The following SATB2 variants were observed in gnomAD, a reference collection of about 807,000 sequenced individuals.
SATB2 encodes SATB homeobox 2, also known as DNA-binding protein SATB2.
Under a neutral mutation model 73.4 loss-of-function variants are expected in SATB2, and 1 was observed. The ratio of observed to expected loss-of-function variants is 0.01; its 90% CI spans 0.00 to 0.06. The LOEUF (loss-of-function observed/expected upper bound fraction) is 0.06, where lower values mean the gene tolerates loss of function less well. Among genes scored for constraint, SATB2 ranks in the 10% least tolerant of loss-of-function variants. The probability of loss-of-function intolerance (pLI) is 1.00; values close to 1 mark genes in which losing one functional copy is unlikely to be tolerated. For synonymous variants in SATB2, 397 were observed against 367.0 expected, an observed-to-expected ratio of 1.08 and a Z score of -0.93; for missense variants, 459 against 945.8, an observed-to-expected ratio of 0.49 and a Z score of 6.75.
In SATB2 at chr2:199,457,923, C is replaced by G. The variant is rs1692340844; in HGVS notation, c.-644G>C. On this transcript the variant is annotated 5_prime_UTR_variant, in exon 1 of 11. Transcript: ENST00000417098. This position sits in a 1 kb window ranked among gnomAD's most constrained non-coding sequence, Gnocchi z 4.8. ...CTCCCCTCTCGGCCGCCTCTGCCAG[C>G]AGCCAGAGCCGGACTCACTGACAAG... 6.5e-6 allele frequency: 1 copy of G among 152,848 alleles called. No individual in the cohort carries two copies. The highest frequency in any genetic ancestry group is 6.5e-5 in the Admixed American group (1 of 15,288). The allele number at this position is 152,848 out of a possible 1,614,324, so 9.5% of individuals were successfully genotyped here. A position where few individuals can be genotyped will look rare whatever the true frequency, so the allele number is the denominator to read the frequency against.
At chr2:199,442,386 G>C (rs73067563) in intron 2 of SATB2, among the ~76,000 whole-genome samples, 1 of 152,170 alleles carries the variant, frequency 6.6e-6, no homozygotes, top group African/African-American at 2.4e-5. Flanking sequence ...GTATCACCAC[G>C]GGCATCGCAT....
chr2:199,312,443 T>C (rs189380286), intron 9 of SATB2, among the ~76,000 whole-genome samples: 154 of 152,332 alleles, frequency 1.0e-3, no homozygotes, highest in Non-Finnish European at 8.4e-4. Context: ...GAGTGAATTA[T>C]AACTGTTTGA....
rs1692192587 is a variant in SATB2 at position 199,272,592 on chromosome 2, A to T, written c.1821T>A (p.Thr607=). ...GGGGCTTTTTGGCACAACTGTCTTC[A>T]GTCGGAGGAGGTGGGGGAGGCGCTT... ...REEAPPPPPP[T]EDSCAKKPRS... is the part of the protein sequence containing the mutation. Residue 607 remains threonine, a synonymous_variant, in exon 11 of 11, where the codon ACT becomes ACA. Coordinates refer to ENST00000417098, the MANE Select transcript of SATB2 (RefSeq NM_001172509.2). This position sits in a 1 kb window ranked among gnomAD's most constrained non-coding sequence, Gnocchi z 6.7. The T allele has an allele frequency of 6.2e-7, 1 of 1,614,004 alleles. No individual in the cohort carries two copies. The highest frequency in any genetic ancestry group is 1.3e-5 in the African/African-American group (1 of 74,922).
intron 6 of SATB2, among the ~76,000 whole-genome samples, chr2:199,352,062 G>A (rs900864974): frequency 3.3e-5 from 5 of 152,060 alleles, no homozygotes; most frequent in African/African-American, 4.8e-5. Context: ...TAGTAGAGAC[G>A]GGGTTTCACC....
At chr2:199,298,938 C>A (rs1338697719) in intron 10 of SATB2, among the ~76,000 whole-genome samples, 1 of 152,114 alleles carries the variant, frequency 6.6e-6, no homozygotes, top group Non-Finnish European at 1.5e-5. Flanking sequence ...CCTAGAACAG[C>A]ATGTGACTTT....
Position 199,464,293 on chromosome 2 carries a change from C to A in SATB2, c.-141+543G>T, listed in dbSNP as rs955752839. Among the ~76,000 whole-genome samples, 17 of 152,134 alleles carry A rather than the reference C, an allele frequency of 1.1e-4. No homozygotes were observed. The highest frequency in any genetic ancestry group is 4.1e-4 in the African/African-American group (17 of 41,442). On this transcript the variant is annotated intron_variant, in intron 1 of 11. Transcript: ENST00000260926. This position sits in a 1 kb window ranked among gnomAD's most constrained non-coding sequence, Gnocchi z 6.6. Reference sequence around the variant, plus strand: ...CCAAGCCCAGAGGAACAGGGCATCGCCTCGCGCGGTCCCGGAGCCACATCC... The same window carrying A: ...CCAAGCCCAGAGGAACAGGGCATCGACTCGCGCGGTCCCGGAGCCACATCC...
At chr2:199,361,641 T>C (rs1270993955) in intron 6 of SATB2, among the ~76,000 whole-genome samples, 1 of 151,988 alleles carries the variant, frequency 6.6e-6, no homozygotes, top group Non-Finnish European at 1.5e-5. Flanking sequence ...CCTTCAAGGA[T>C]TCTCAAAATA....
chr2:199,309,117 C>G (rs559079709), intron 9 of SATB2, among the ~76,000 whole-genome samples, 160 bp from the exon 10 acceptor site: 9 of 152,312 alleles, frequency 5.9e-5, no homozygotes, highest in South Asian at 2.1e-4. Context: ...AAAACCAACC[C>G]CTGACCACAT....
chr2:199,394,731 G>GTAAA (rs1251771811), intron 3 of SATB2, among the ~76,000 whole-genome samples: 16 of 152,030 alleles, frequency 1.1e-4, no homozygotes, highest in Admixed American at 3.3e-4. Flanking sequence ...TCTAAAATAA[G>GTAAA]TAAATAAATA....
intron 3 of SATB2, among the ~76,000 whole-genome samples, chr2:199,432,074 T>A (rs964600146): frequency 6.6e-6 from 1 of 152,172 alleles, no homozygotes; most frequent in African/African-American, 2.4e-5. Context: ...TCATCCTTTA[T>A]CAGGCTGCTT....
At chr2:199,393,388 C>T (rs770267422) in intron 3 of SATB2, among the ~76,000 whole-genome samples, 1 of 152,056 alleles carries the variant, frequency 6.6e-6, no homozygotes, top group Non-Finnish European at 1.5e-5. Flanking sequence ...TCTGCCAACC[C>T]CCAACATATG....
chr2:199,344,079 G>C (rs1688582170), intron 7 of SATB2, among the ~76,000 whole-genome samples: 1 of 152,080 alleles, frequency 6.6e-6, no homozygotes, highest in Non-Finnish European at 1.5e-5. Flanking sequence ...CATGCTTCAT[G>C]CTACTTGGAT....
chr2:199,342,159 T>C (rs945813726), intron 7 of SATB2, among the ~76,000 whole-genome samples: 2 of 152,024 alleles, frequency 1.3e-5, no homozygotes, highest in African/African-American at 2.4e-5. Flanking sequence ...AGTAAAACCA[T>C]GGGCCGGGGA....
intron 1 of SATB2, chr2:199,470,836 G>T (rs1245657786): frequency 6.6e-6 from 1 of 152,340 alleles, no homozygotes; most frequent in Non-Finnish European, 1.5e-5. Flanking sequence ...CCTCCGCACC[G>T]TGCGCCCTTC....
chr2:199,427,712 T>C (rs1357939434), intron 3 of SATB2, among the ~76,000 whole-genome samples: 1 of 152,092 alleles, frequency 6.6e-6, no homozygotes, highest in Non-Finnish European at 1.5e-5. Context: ...TACACAAGTC[T>C]CTCGAATTTG....
At chr2:199,380,962 A>G (rs1689754066) in intron 4 of SATB2, among the ~76,000 whole-genome samples, 2 of 152,186 alleles carry the variant, frequency 1.3e-5, no homozygotes, top group Admixed American at 1.3e-4. Context: ...CCATTCATAG[A>G]CACAGATGGG....
chr2:199,441,176 C>T (rs1420328480), intron 2 of SATB2, among the ~76,000 whole-genome samples: 1 of 151,920 alleles, frequency 6.6e-6, no homozygotes. Context: ...ACAAACTGAG[C>T]CATACATACA....
chr2:199,455,839 G>A lies in SATB2; in HGVS notation c.169+30C>T, dbSNP rs1391570374. 1 of 1,533,986 alleles carries A rather than the reference G, an allele frequency of 6.5e-7. No homozygotes were observed. The highest frequency in any genetic ancestry group is 8.7e-7 in the Non-Finnish European group (1 of 1,146,218). ...CCGGGCCATTATCACTGGGCCGCGG[G>A]CTGCGCGCCTCCCTGCTCCGGGCTG... On this transcript the variant is annotated intron_variant, in intron 2 of 10. Transcript: ENST00000417098. The surrounding 1 kb of genome is among the most constrained non-coding windows in gnomAD (Gnocchi z 4.1).
chr2:199,323,676 A>AACATG (rs1687953544), intron 9 of SATB2, 127 bp downstream of exon 9: 2 of 1,086,618 alleles, frequency 1.8e-6, no homozygotes, highest in Admixed American at 3.9e-5. Flanking sequence ...TAAAAGGCAG[A>AACATG]ACATGACAGG....
Sources: gnomAD v4.1 joint callset for allele counts (sites outside exome capture counted in the v4.1 genomes callset) on GRCh38, gnomAD v4.1.1 for gene constraint, Gnocchi (gnomAD v3.1) non-coding constraint, MANE v1.5 for transcripts, NCBI Gene and HGNC (gene_info 2026-07-23, HGNC 2026-07-21) for gene names.